The following BCL2L13 variants were observed in gnomAD, a reference collection of about 807,000 sequenced individuals.
The protein encoded by BCL2L13 is BCL2 like 13, also known as bcl-2-like protein 13.
In BCL2L13, 13 loss-of-function variants were observed where a neutral mutation model predicts 25.8. The observed-to-expected ratio is 0.50, with a 90% CI of 0.33 to 0.80. The LOEUF is 0.80. BCL2L13 is among the 30% of genes least tolerant of loss of function. BCL2L13 has a pLI of 0.02. For missense variants in BCL2L13, 504 were observed against 574.9 expected, an observed-to-expected ratio of 0.88 and a Z score of 1.26; for synonymous variants, 244 against 230.3, an observed-to-expected ratio of 1.06 and a Z score of -0.54.
chr22:17,725,300 A>C (rs527480511), intron 6 of BCL2L13, among the ~76,000 whole-genome samples: 1 of 152,264 alleles, frequency 6.6e-6, no homozygotes, highest in East Asian at 1.9e-4. Context: ...TCCTGTCCTC[A>C]CTGACCTTCT....
At chr22:17,638,539 C>T (rs1049987365), upstream of BCL2L13, 1 of 566,544 alleles carries the variant, frequency 1.8e-6, no homozygotes, top group African/African-American at 1.9e-5. Context: ...GAATCCCAAC[C>T]CCTCGACTCC....
At chr22:17,677,854 C>T (rs185492401) in intron 2 of BCL2L13, among the ~76,000 whole-genome samples, 8 of 150,206 alleles carry the variant, frequency 5.3e-5, no homozygotes, top group East Asian at 2.0e-4. Flanking sequence ...GGCGACAGAG[C>T]GAGACTCTGT....
rs2061340694 is a variant in BCL2L13 at position 17,727,996 on chromosome 22, A to G, written c.*462A>G. Reference sequence around the variant, plus strand: ...AGCGAGAGAGGGTTTACTTAGGAAGAATTGGGATAGAAATTCCCAGCTGAG... The same window carrying G: ...AGCGAGAGAGGGTTTACTTAGGAAGGATTGGGATAGAAATTCCCAGCTGAG... On this transcript the variant is annotated 3_prime_UTR_variant, in exon 7 of 7. Transcript: ENST00000317582. 6.0e-6 allele frequency: 1 copy of G among 165,410 alleles called. No homozygotes were observed. Among genetic ancestry groups the G allele is most frequent in the Non-Finnish European group, 1.3e-5 (1 of 74,708 alleles). 10.2% of individuals were successfully genotyped at this position (165,410 alleles called of 1,614,324 possible).
intron 2 of BCL2L13, among the ~76,000 whole-genome samples, chr22:17,669,624 C>G (rs1449801002): frequency 6.6e-6 from 1 of 152,220 alleles, no homozygotes; most frequent in Non-Finnish European, 1.5e-5. Flanking sequence ...TCCCCACTTC[C>G]AGCATTTGGG....
upstream of BCL2L13, chr22:17,638,290 ACAC>A (rs1234778492): frequency 3.6e-5 from 6 of 168,060 alleles, no homozygotes; most frequent in Admixed American, 6.4e-5. Flanking sequence ...GGACCTCTCT[ACAC>A]CACCCCGCTA....
chr22:17,659,745 C>A (rs1216812769), intron 2 of BCL2L13, among the ~76,000 whole-genome samples: 1 of 143,754 alleles, frequency 7.0e-6, no homozygotes, highest in East Asian at 1.9e-4. Flanking sequence ...CAGTCTAGTT[C>A]TGAGAAGAGG....
Position 17,699,551 on chromosome 22 carries a change from C to T in BCL2L13, c.457-2692C>T, listed in dbSNP as rs917655102. On this transcript the variant is annotated intron_variant, in intron 5 of 6. Coordinates refer to ENST00000317582, the MANE Select transcript of BCL2L13 (RefSeq NM_015367.4). ...GTTTTGATGGTCAAAAATACTTTAG[C>T]ATTTCATTGCAAAAACAATTGAAGA... 5.9e-5 allele frequency among the ~76,000 whole-genome samples: 9 copies of T among 152,178 alleles called. No individual in the cohort carries two copies. The East Asian group carries it at 1.5e-3, about 26-fold the overall frequency.
chr22:17,639,959 A>T (rs1055903391), intron 1 of BCL2L13, among the ~76,000 whole-genome samples: 4 of 151,386 alleles, frequency 2.6e-5, no homozygotes, highest in African/African-American at 9.7e-5. Context: ...GGTTCAAGCC[A>T]TTCTCCTGCC....
chr22:17,698,819 C>T lies in BCL2L13; in HGVS notation c.456+2609C>T, dbSNP rs78008943. On this transcript the variant is annotated intron_variant, in intron 5 of 6. Coordinates refer to ENST00000317582, the MANE Select transcript of BCL2L13 (RefSeq NM_015367.4). ...TTTCTTTCCTGCTCCTCCCAGCCCCCGACAACAATGACTACTTTCTGTCTT... is the reference window on the plus strand; with the variant it reads ...TTTCTTTCCTGCTCCTCCCAGCCCCTGACAACAATGACTACTTTCTGTCTT... Among the ~76,000 whole-genome samples the T allele has an allele frequency of 4.2e-3, 641 of 152,224 alleles. 7 individuals carry two copies. Among genetic ancestry groups the T allele is most frequent in the African/African-American group, 0.015 (614 of 41,534 alleles).
rs146068013 is a variant in BCL2L13 at position 17,685,445 on chromosome 22, A to G, written c.229+2124A>G. 4.6e-3 allele frequency among the ~76,000 whole-genome samples: 704 copies of G among 151,430 alleles called. 3 individuals carry two copies. Among genetic ancestry groups the G allele is most frequent in the Non-Finnish European group, 8.3e-3 (561 of 67,810 alleles). ...CACCATATTGGCCAGGCTGGTCTCC[A>G]ACTCCTGACCTCAAATGATCCACCT... On this transcript the variant is annotated intron_variant, in intron 3 of 6. Transcript: ENST00000317582.
At chr22:17,709,863 C>G (rs1011239558) in intron 6 of BCL2L13, among the ~76,000 whole-genome samples, 1 of 150,160 alleles carries the variant, frequency 6.7e-6, no homozygotes, top group Non-Finnish European at 1.5e-5. Flanking sequence ...TTGCCCAAGT[C>G]CAGGAGCTCA....
At chr22:17,689,993 A>AATTT (rs1378202692) in intron 4 of BCL2L13, among the ~76,000 whole-genome samples, 1 of 152,114 alleles carries the variant, frequency 6.6e-6, no homozygotes, top group African/African-American at 2.4e-5. Flanking sequence ...ATTAAAGCTA[A>AATTT]AGGCAAGAAG....
At chr22:17,722,094 AGTAGATAT>A (rs2061153236) in intron 6 of BCL2L13, among the ~76,000 whole-genome samples, 1 of 152,094 alleles carries the variant, frequency 6.6e-6, no homozygotes, top group Admixed American at 6.5e-5. Flanking sequence ...TATGCAAATA[AGTAGATAT>A]GTATATATGT....
At chr22:17,650,401 T>C (rs1359311707) in intron 1 of BCL2L13, among the ~76,000 whole-genome samples, 1 of 152,180 alleles carries the variant, frequency 6.6e-6, no homozygotes, top group African/African-American at 2.4e-5. Context: ...TATACCAGTA[T>C]TTTTGAACAT....
chr22:17,654,497 A>C (rs1330000704), intron 1 of BCL2L13, among the ~76,000 whole-genome samples: 1 of 150,868 alleles, frequency 6.6e-6, no homozygotes. Context: ...ATCTCGGCTC[A>C]TTGTAAACTC....
intron 1 of BCL2L13, among the ~76,000 whole-genome samples, chr22:17,646,955 A>C (rs28410218): frequency 4.5e-5 from 1 of 22,186 alleles, no homozygotes; most frequent in African/African-American, 1.4e-4. Context: ...ATATATATAT[A>C]TTTTTTTTTT....
chr22:17,708,323 A>G (rs73378765), intron 6 of BCL2L13, among the ~76,000 whole-genome samples: 42 of 152,334 alleles, frequency 2.8e-4, no homozygotes, highest in African/African-American at 1.0e-3. Flanking sequence ...GACTTCATCT[A>G]AGAGGTAGGA....
rs922072961 is a variant in BCL2L13, at chr22:17,729,995, A to T, written c.*2461A>T. On this transcript the variant is annotated 3_prime_UTR_variant, in exon 7 of 7. Transcript: ENST00000317582. Reference sequence around the variant, plus strand: ...AGCTTCCCCTCCTTTTGGGGGGAGGAGCTGATAGTAGGAGGCCATTCCTTC... The same window carrying T: ...AGCTTCCCCTCCTTTTGGGGGGAGGTGCTGATAGTAGGAGGCCATTCCTTC... 2.7e-5 allele frequency: 4 copies of T among 145,754 alleles called. No homozygotes were observed. Among genetic ancestry groups the T allele is most frequent in the Admixed American group, 1.4e-4 (2 of 13,826 alleles). The allele number at this position is 145,754 out of a possible 1,614,324, so 9.0% of individuals were successfully genotyped here.
chr22:17,653,438 G>GT (rs1241947819), intron 1 of BCL2L13, among the ~76,000 whole-genome samples: 2 of 149,702 alleles, frequency 1.3e-5, no homozygotes, highest in Non-Finnish European at 2.9e-5. Flanking sequence ...CCATATTCTC[G>GT]TAACTTGTCT....
Sources: allele counts gnomAD v4.1 joint callset (sites outside exome capture counted in the v4.1 genomes callset), GRCh38; gene constraint gnomAD v4.1.1; transcripts MANE v1.5; gene names NCBI Gene and HGNC (gene_info 2026-07-23, HGNC 2026-07-21).